MYH1: variants seen among roughly 807,000 people sequenced by gnomAD.
MYH1 encodes the protein myosin heavy chain 1.
MYH1 carries 214 observed loss-of-function variants against 225.6 expected under a neutral mutation model. That is an observed-to-expected ratio of 0.95 (90% CI 0.85 to 1.06). The LOEUF is 1.06. Ranked by LOEUF, MYH1 falls within the 50% of genes least tolerant of loss-of-function variation. MYH1 has a pLI of 0.00. For missense variants in MYH1, 2,098 were observed against 2,344.2 expected, an observed-to-expected ratio of 0.89 and a Z score of 2.17; for synonymous variants, 774 against 842.3, an observed-to-expected ratio of 0.92 and a Z score of 1.40.
In MYH1 at chr17:10,516,628, A is replaced by G. The variant is rs777266630; in HGVS notation, c.15T>C (p.Ser5=). The G allele has an allele frequency of 6.8e-6, 11 of 1,614,202 alleles. 1 individual carries two copies. Among genetic ancestry groups the G allele is most frequent in the Middle Eastern group, 3.3e-4 (2 of 6,062 alleles). MSSD[S]EMAIFGEAAP... The stretch of plus-strand genomic sequence containing the variant: ...CAGCCTCCCCAAAAATGGCCATCTC[A>G]GAGTCGGAACTCATGGCTGCAGGTT... Residue 5 remains serine, a synonymous_variant, in exon 3 of 40, where the codon TCT becomes TCC. Transcript: ENST00000226207.
chr17:10,516,408 A>G (rs1254364001), intron 3 of MYH1, 31 bp downstream of exon 3: 5 of 1,614,112 alleles, frequency 3.1e-6, no homozygotes, highest in Non-Finnish European at 4.2e-6. Flanking sequence ...AATGAGGCAG[A>G]GTCTAATCAG....
intron 28 of MYH1, 82 bp downstream of exon 28, chr17:10,500,544 G>C (rs1597436737): frequency 1.3e-6 from 2 of 1,592,242 alleles, no homozygotes; most frequent in African/African-American, 1.3e-5. Context: ...ATGACCTCAA[G>C]TAAATAAATG....
Position 10,495,017 on chromosome 17 carries a change from C to G in MYH1, c.5380G>C (p.Val1794Leu). The G allele has an allele frequency of 6.2e-7, 1 of 1,614,240 alleles. No individual in the cohort carries two copies. The highest frequency in any genetic ancestry group is 1.3e-5 in the African/African-American group (1 of 75,056). The change falls in exon 37 of 40, where the codon GTG becomes CTG. Residue 1794 changes from valine to leucine, a missense_variant. Transcript: ENST00000226207. ...TCCAGACGATGCTGCAGGTCCTTCACCGTCTGTTCCAGGTTCTTCTTCATC... is the reference window on the plus strand; with the variant it reads ...TCCAGACGATGCTGCAGGTCCTTCAGCGTCTGTTCCAGGTTCTTCTTCATC... ...ERMKKNLEQT[V>L]KDLQHRLDEA... is the part of the protein sequence containing the mutation.
chr17:10,495,810 T>C lies in MYH1; in HGVS notation c.5169+140A>G, dbSNP rs772899209. 3.1e-4 allele frequency: 264 copies of C among 864,254 alleles called. 1 individual carries two copies. The highest frequency in any genetic ancestry group is 1.1e-3 in the South Asian group (53 of 49,100). 53.5% of individuals were successfully genotyped at this position (864,254 alleles called of 1,614,324 possible). The stretch of plus-strand genomic sequence containing the variant: ...GGATGTTATAGTTCAGATAAGAATA[T>C]AGATAATCAAAAAAATAAAATATTT... On this transcript the variant is annotated intron_variant, in intron 35 of 39. Transcript: ENST00000226207.
In MYH1 at chr17:10,496,226, G is replaced by C. The variant is rs368730552; in HGVS notation, c.4965+15C>G. ...CACCCCAATTGTCCTGGGATCATCT[G>C]TTGGACATATTTACCTTGAGGATGG... On this transcript the variant is annotated intron_variant, in intron 34 of 39. Coordinates refer to ENST00000226207, the MANE Select transcript of MYH1 (RefSeq NM_005963.4). 2.2e-5 allele frequency: 35 copies of C among 1,614,154 alleles called. No homozygotes were observed. The African/African-American group carries it at 4.3e-4, about 20-fold the overall frequency.
chr17:10,496,195 T>G, intron 34 of MYH1, 42 bp from the exon 35 acceptor site: 1 of 1,614,182 alleles, frequency 6.2e-7, no homozygotes, highest in Non-Finnish European at 8.5e-7. Context: ...TATTCAGGGT[T>G]GCAGGCACCC....
At chr17:10,500,484 G>A in intron 28 of MYH1, 142 bp downstream of exon 28, 3 of 1,205,014 alleles carry the variant, frequency 2.5e-6, no homozygotes, top group South Asian at 3.4e-5. Flanking sequence ...CCTCATGCCA[G>A]TGGTCAATAA....
chr17:10,498,556 T>A, intron 30 of MYH1, 70 bp downstream of exon 30: 1 of 1,598,144 alleles, frequency 6.3e-7, no homozygotes, highest in Non-Finnish European at 8.6e-7. Flanking sequence ...GAATGTTTTT[T>A]CCCTAGTTTT....
At chr17:10,508,143 C>T (rs535681570) in intron 16 of MYH1, among the ~76,000 whole-genome samples, 187 bp from the exon 17 acceptor site, 8 of 151,776 alleles carry the variant, frequency 5.3e-5, no homozygotes, top group East Asian at 1.9e-4. Flanking sequence ...CTCAGCCTCC[C>T]GAGTAGCTGG....
rs2073181334 is a variant in MYH1, at chr17:10,512,506, A to C, written c.1049T>G (p.Val350Gly). Reference protein sequence around the residue: ...EILGFTSDERVSIYKLTGAVM... With the variant: ...EILGFTSDERGSIYKLTGAVM... ...AGCCCCTGTGAGCTTATAGATGGAC[A>C]CTCTTTCATCTGAAGTAAAGCCCAG... The change falls in exon 12 of 40, where the codon GTG (valine) becomes GGG (glycine). Residue 350 changes from valine to glycine, a missense_variant. Coordinates refer to ENST00000226207, the MANE Select transcript of MYH1 (RefSeq NM_005963.4). The C allele has an allele frequency of 6.2e-7, 1 of 1,614,004 alleles. No individual in the cohort carries two copies. The highest frequency in any genetic ancestry group is 8.5e-7 in the Non-Finnish European group (1 of 1,179,964).
chr17:10,507,253 G>A (rs938467722), intron 17 of MYH1, among the ~76,000 whole-genome samples: 1 of 151,950 alleles, frequency 6.6e-6, no homozygotes, highest in African/African-American at 2.4e-5. Context: ...GGTAGAGATG[G>A]GGTTTCATCA....
Position 10,497,896 on chromosome 17 carries a change from C to CA in MYH1, c.4202dup (p.Gln1402AlafsTer4). 1 of 1,604,234 alleles carries CA rather than the reference C, an allele frequency of 6.2e-7. No individual in the cohort carries two copies. The highest frequency in any genetic ancestry group is 1.3e-5 in the African/African-American group (1 of 74,264). ...CTTCTACATGTTCCTCAGCATCCTGCAGACGCTGAGCCAGCTTCTTCCTAT... is the reference window on the plus strand; with the variant it reads ...CTTCTACATGTTCCTCAGCATCCTGCAAGACGCTGAGCCAGCTTCTTCCTAT... On this transcript the variant is annotated frameshift_variant, in exon 31 of 40. Coordinates refer to ENST00000226207, the MANE Select transcript of MYH1 (RefSeq NM_005963.4). LOFTEE classifies it high-confidence loss of function.
chr17:10,505,276 C>T lies in MYH1; in HGVS notation c.2322G>A (p.Leu774=), dbSNP rs542812589. 2.5e-6 allele frequency: 4 copies of T among 1,614,188 alleles called. No homozygotes were observed. In the African/African-American group the frequency reaches 5.3e-5, roughly 22 times the overall value. The change falls in exon 21 of 40, where the codon CTG becomes CTA. Residue 774 remains leucine (L), a synonymous_variant. Transcript: ENST00000226207. ...HTKVFFKAGL[L]GLLEEMRDEK... ...CATCTCGCATCTCCTCTAGGAGCCC[C>T]AGAAGACCAGCTTTGAAAAAGACCT...
At chr17:10,507,747 C>CA (rs1261504660) in intron 17 of MYH1, 139 bp downstream of exon 17, 1 of 701,814 alleles carries the variant, frequency 1.4e-6, no homozygotes, top group African/African-American at 1.8e-5. Flanking sequence ...CCCTAAAACT[C>CA]AGTCTTACCA....
In MYH1 at chr17:10,516,047, G is replaced by A. The variant is rs545365831; in HGVS notation, c.384C>T (p.Pro128=). 7.4e-6 allele frequency: 12 copies of A among 1,614,176 alleles called. No individual in the cohort carries two copies. In the South Asian group the frequency reaches 1.2e-4, roughly 16 times the overall value. Residue 128 remains proline (P), a synonymous_variant, in exon 5 of 40, where the codon CCC becomes CCT. Transcript: ENST00000226207. ...CATTATACACTGGCAACCACTTGTA[G>A]GGGTTGACAGTGACACAGAACAAGC... ...YSGLFCVTVN[P]YKWLPVYNAE... is the part of the protein sequence containing the mutation.
At chr17:10,492,959 A>G (rs2072950755) in intron 39 of MYH1, among the ~76,000 whole-genome samples, 1 of 152,094 alleles carries the variant, frequency 6.6e-6, no homozygotes, top group African/African-American at 2.4e-5. Context: ...GCTTGAATAT[A>G]AGTTATTGCC....
intron 22 of MYH1, among the ~76,000 whole-genome samples, chr17:10,503,940 G>A (rs2073083069): frequency 1.3e-5 from 2 of 152,146 alleles, no homozygotes; most frequent in South Asian, 4.1e-4. Flanking sequence ...TCCTCAATGT[G>A]GAAAACCCTG....
chr17:10,500,378 A>ATG (rs1253642328), intron 28 of MYH1, among the ~76,000 whole-genome samples: 2 of 150,246 alleles, frequency 1.3e-5, no homozygotes, highest in African/African-American at 4.9e-5. Flanking sequence ...ATATATATAT[A>ATG]TGTATGTATG....
At chr17:10,506,285 T>G (rs1203444854) in intron 17 of MYH1, among the ~76,000 whole-genome samples, 186 bp from the exon 18 acceptor site, 1 of 152,224 alleles carries the variant, frequency 6.6e-6, no homozygotes, top group African/African-American at 2.4e-5. Flanking sequence ...TCTGTTGGTG[T>G]GCATTAGAAG....
Sources: allele counts gnomAD v4.1 joint callset (sites outside exome capture counted in the v4.1 genomes callset), GRCh38; gene constraint gnomAD v4.1.1; transcripts MANE v1.5; gene names NCBI Gene and HGNC (gene_info 2026-07-23, HGNC 2026-07-21).